ADGRB3: variants seen among roughly 807,000 people sequenced by gnomAD.
The protein encoded by ADGRB3 is adhesion G protein-coupled receptor B3, also known as brain-specific angiogenesis inhibitor 3.
Under a neutral mutation model 193.4 loss-of-function variants are expected in ADGRB3, and 37 were observed. That is an observed-to-expected ratio of 0.19 (90% confidence interval 0.15 to 0.25). The LOEUF (loss-of-function observed/expected upper bound fraction) is 0.25, where lower values mean the gene tolerates loss of function less well. Ranked by LOEUF, ADGRB3 falls within the 10% of genes least tolerant of loss-of-function variation. ADGRB3 has a pLI of 1.00. For missense variants in ADGRB3, 1,637 were observed against 1,852.9 expected, an observed-to-expected ratio of 0.88 and a Z score of 2.14; for synonymous variants, 690 against 644.2, an observed-to-expected ratio of 1.07 and a Z score of -1.08.
At chr6:69,379,046 A>G (rs1285797044) in intron 30 of ADGRB3, among the ~76,000 whole-genome samples, 2 of 152,050 alleles carry the variant, frequency 1.3e-5, no homozygotes, top group African/African-American at 4.8e-5. Flanking sequence ...TGGTCCTCTC[A>G]GGATGGGGAT....
intron 3 of ADGRB3, among the ~76,000 whole-genome samples, chr6:68,677,478 A>G (rs1288256304): frequency 1.3e-5 from 2 of 149,406 alleles, no homozygotes; most frequent in Non-Finnish European, 1.5e-5. Flanking sequence ...GAATTTATTT[A>G]TAAATAGTAT....
chr6:68,745,093 A>G (rs1201915770), intron 3 of ADGRB3, among the ~76,000 whole-genome samples: 1 of 152,168 alleles, frequency 6.6e-6, no homozygotes, highest in East Asian at 1.9e-4. Context: ...ACTTTTGGAT[A>G]CACTACCAGA....
intron 3 of ADGRB3, among the ~76,000 whole-genome samples, chr6:68,867,285 G>A (rs1265691768): frequency 1.3e-5 from 2 of 152,210 alleles, no homozygotes; most frequent in East Asian, 3.9e-4. Flanking sequence ...AAGGGGGAAG[G>A]TACAGCTCAG....
intron 17 of ADGRB3, among the ~76,000 whole-genome samples, chr6:69,203,599 G>A (rs1765479383): frequency 6.6e-6 from 1 of 151,996 alleles, no homozygotes; most frequent in Non-Finnish European, 1.5e-5. Context: ...TCTTGAAAAC[G>A]TGACCCTCAA....
At chr6:68,691,270 C>A (rs1765067399) in intron 3 of ADGRB3, among the ~76,000 whole-genome samples, 1 of 152,012 alleles carries the variant, frequency 6.6e-6, no homozygotes, top group African/African-American at 2.4e-5. Flanking sequence ...AGTTTCTCAT[C>A]ATGTTTTCTT....
Position 69,317,561 on chromosome 6 carries a change from C to G in ADGRB3, c.2815-7311C>G, listed in dbSNP as rs183991669. 9.4e-4 allele frequency among the ~76,000 whole-genome samples: 143 copies of G among 151,526 alleles called. 1 individual carries two copies. The highest frequency in any genetic ancestry group is 3.4e-3 in the African/African-American group (141 of 41,476). On this transcript the variant is annotated intron_variant, in intron 20 of 31. Transcript: ENST00000370598. ...CAGCCCCATATAAAACTGCGTAAGC[C>G]TTCTGTTTCTGGTCCCCACATTCAG... is the stretch of plus-strand genomic sequence containing the variant.
At chr6:68,840,291 G>T (rs1269984188) in intron 3 of ADGRB3, among the ~76,000 whole-genome samples, 3 of 145,902 alleles carry the variant, frequency 2.1e-5, no homozygotes, top group African/African-American at 5.1e-5. Flanking sequence ...GGAGAGGGAA[G>T]AGTAAAGAGG....
chr6:68,836,323 G>T (rs887397193), intron 3 of ADGRB3, among the ~76,000 whole-genome samples: 4 of 150,998 alleles, frequency 2.6e-5, no homozygotes, highest in African/African-American at 9.7e-5. Flanking sequence ...CATTGGAATG[G>T]GTTCACTCTT....
At chr6:68,670,297 T>C (rs1187677134) in intron 3 of ADGRB3, among the ~76,000 whole-genome samples, 1 of 152,004 alleles carries the variant, frequency 6.6e-6, no homozygotes, top group Admixed American at 6.6e-5. Flanking sequence ...TTATTTTGCC[T>C]TGGTTGCCTG....
chr6:68,677,407 A>T (rs1769119242), intron 3 of ADGRB3, among the ~76,000 whole-genome samples: 1 of 151,998 alleles, frequency 6.6e-6, no homozygotes, highest in Admixed American at 6.5e-5. Context: ...TTGGGATCTC[A>T]CTACTTTGCC....
chr6:69,055,701 C>T (rs1001805313), intron 15 of ADGRB3, among the ~76,000 whole-genome samples: 1 of 152,090 alleles, frequency 6.6e-6, no homozygotes, highest in Non-Finnish European at 1.5e-5. Flanking sequence ...AACTGCCTAC[C>T]GTATTCCAAA....
intron 8 of ADGRB3, among the ~76,000 whole-genome samples, chr6:68,959,698 A>G (rs1768179618): frequency 6.6e-6 from 1 of 152,152 alleles, no homozygotes. Context: ...AAAGTATTAA[A>G]AGTGTCATCA....
chr6:68,715,121 G>C (rs1765468184), intron 3 of ADGRB3, among the ~76,000 whole-genome samples: 1 of 151,726 alleles, frequency 6.6e-6, no homozygotes. Flanking sequence ...AGGTAGTACA[G>C]CAAAACTATA....
chr6:68,801,893 A>G (rs1767318635), intron 3 of ADGRB3, among the ~76,000 whole-genome samples: 1 of 152,122 alleles, frequency 6.6e-6, no homozygotes, highest in South Asian at 2.1e-4. Flanking sequence ...CAAAGCCTAG[A>G]TTAAACTGAC....
At chr6:69,173,485 G>C (rs187137342) in intron 17 of ADGRB3, among the ~76,000 whole-genome samples, 3 of 152,194 alleles carry the variant, frequency 2.0e-5, no homozygotes, top group Non-Finnish European at 4.4e-5. Context: ...TAGTGGATAA[G>C]ACAGGTGTAA....
chr6:68,843,705 G>T (rs895427865), intron 3 of ADGRB3, among the ~76,000 whole-genome samples: 3 of 151,816 alleles, frequency 2.0e-5, no homozygotes, highest in African/African-American at 7.3e-5. Context: ...AAAAGACTCA[G>T]AATAGCCAAA....
chr6:68,944,100 G>A (rs1767710199), intron 6 of ADGRB3, 106 bp downstream of exon 6: 2 of 1,235,666 alleles, frequency 1.6e-6, no homozygotes, highest in Non-Finnish European at 2.2e-6. Flanking sequence ...GTCACGTTGG[G>A]AAATGTGTCC....
intron 3 of ADGRB3, among the ~76,000 whole-genome samples, chr6:68,881,438 A>G (rs893054753): frequency 1.3e-5 from 2 of 152,160 alleles, no homozygotes; most frequent in Admixed American, 6.5e-5. Flanking sequence ...TAGCTGAACT[A>G]TATTCAATTC....
At chr6:69,156,800 T>C (rs1349948184) in intron 17 of ADGRB3, among the ~76,000 whole-genome samples, 2 of 152,368 alleles carry the variant, frequency 1.3e-5, no homozygotes, top group East Asian at 3.9e-4. Flanking sequence ...ATTTTATCAC[T>C]GAATGTTTAA....
Sources: gnomAD v4.1 joint callset for allele counts (sites outside exome capture counted in the v4.1 genomes callset) on GRCh38, gnomAD v4.1.1 for gene constraint, MANE v1.5 for transcripts, NCBI Gene and HGNC (gene_info 2026-07-23, HGNC 2026-07-21) for gene names.